The following TMCO5A variants were observed in gnomAD, a reference collection of about 807,000 sequenced individuals.
TMCO5A encodes transmembrane and coiled-coil domains 5A.
Under a neutral mutation model 42.3 loss-of-function variants are expected in TMCO5A, and 34 were observed. The ratio of observed to expected loss-of-function variants is 0.80; its 90% CI spans 0.61 to 1.07. The LOEUF (loss-of-function observed/expected upper bound fraction) is 1.07, where lower values mean the gene tolerates loss of function less well. TMCO5A is among the 50% of genes least tolerant of loss of function. The pLI is 0.00. For synonymous variants in TMCO5A, 131 were observed against 115.6 expected (o/e 1.13, Z -0.86); for missense variants, 357 against 327.9 (o/e 1.09, Z -0.69).
chr15:38,032,622 G>C, the TMCO5A span, among the ~76,000 whole-genome samples: 1 of 151,980 alleles, frequency 6.6e-6, no homozygotes, highest in African/African-American at 2.4e-5. Context: ...TCAATGCCTC[G>C]ATGTTCCCAT....
At chr15:38,019,051 T>C in the TMCO5A span, among the ~76,000 whole-genome samples, 1 of 152,258 alleles carries the variant, frequency 6.6e-6, no homozygotes, top group South Asian at 2.1e-4. Flanking sequence ...ATACCACCCA[T>C]ATATTCTGAG....
At chr15:37,942,431 T>G (rs1432463692) in intron 9 of TMCO5A, 176 bp downstream of exon 9, 1 of 570,600 alleles carries the variant, frequency 1.8e-6, no homozygotes, top group Non-Finnish European at 3.1e-6. Context: ...ACTTAAAACT[T>G]CCAGTCATTC....
chr15:38,017,726 A>C, the TMCO5A span, among the ~76,000 whole-genome samples: 1 of 152,092 alleles, frequency 6.6e-6, no homozygotes, highest in African/African-American at 2.4e-5. Context: ...AGGGCACCGC[A>C]GGCAGTCATC....
the TMCO5A span, among the ~76,000 whole-genome samples, chr15:38,012,126 A>AAAAAAAAAG: frequency 6.6e-6 from 1 of 150,386 alleles, no homozygotes; most frequent in Non-Finnish European, 1.5e-5. Context: ...TCCGTCTCAA[A>AAAAAAAAAG]AAAAAAAGAA....
the TMCO5A span, among the ~76,000 whole-genome samples, chr15:37,978,073 C>T: frequency 1.3e-5 from 2 of 152,186 alleles, no homozygotes; most frequent in African/African-American, 4.8e-5. Flanking sequence ...TTTCAGTTGC[C>T]TCTGGGAGCC....
chr15:37,937,662 C>T (rs1236167005), intron 5 of TMCO5A, among the ~76,000 whole-genome samples: 2 of 152,102 alleles, frequency 1.3e-5, no homozygotes, highest in Non-Finnish European at 2.9e-5. Flanking sequence ...AAAATGGATT[C>T]CAACAGATAC....
chr15:37,974,614 T>C, the TMCO5A span, among the ~76,000 whole-genome samples: 2 of 152,152 alleles, frequency 1.3e-5, no homozygotes, highest in Non-Finnish European at 2.9e-5. Flanking sequence ...TCTTTATTTC[T>C]GATTGTGTTT....
At chr15:37,971,786 A>G (rs1254744421), downstream of TMCO5A, among the ~76,000 whole-genome samples, 1 of 152,108 alleles carries the variant, frequency 6.6e-6, no homozygotes, top group East Asian at 1.9e-4. Context: ...ACATAACAAG[A>G]GTTACTTTTG....
chr15:37,968,703 C>A (rs902968556), downstream of TMCO5A, among the ~76,000 whole-genome samples: 1 of 151,914 alleles, frequency 6.6e-6, no homozygotes, highest in African/African-American at 2.4e-5. Flanking sequence ...CTGCCTCAGC[C>A]TCCCAAGTAG....
intron 9 of TMCO5A, chr15:37,942,527 G>C (rs532516238): frequency 3.2e-5 from 10 of 315,420 alleles, no homozygotes; most frequent in Non-Finnish European, 1.2e-5. Flanking sequence ...TTGATATTAA[G>C]AGTAAAAACA....
intron 6 of TMCO5A, among the ~76,000 whole-genome samples, chr15:37,939,235 A>G (rs1889643525): frequency 6.9e-6 from 1 of 145,694 alleles, no homozygotes; most frequent in African/African-American, 2.8e-5. Flanking sequence ...GATACATAGA[A>G]AATAGAAATA....
At chr15:38,014,364 G>T in the TMCO5A span, among the ~76,000 whole-genome samples, 1 of 151,966 alleles carries the variant, frequency 6.6e-6, no homozygotes, top group Non-Finnish European at 1.5e-5. Flanking sequence ...ACCAAGATAC[G>T]ATCGATTACA....
chr15:37,963,243 G>C (rs553061340), intron 11 of TMCO5A, among the ~76,000 whole-genome samples: 2 of 152,070 alleles, frequency 1.3e-5, no homozygotes, highest in Admixed American at 6.6e-5. Flanking sequence ...TGTTTTGACA[G>C]GTTGTGTCAT....
At chr15:38,007,988 C>T in the TMCO5A span, among the ~76,000 whole-genome samples, 1 of 147,236 alleles carries the variant, frequency 6.8e-6, no homozygotes, top group Middle Eastern at 3.6e-3. Context: ...CTCCGCCTCC[C>T]AGGTTCACGC....
At chr15:38,012,523 CGTGT>C in the TMCO5A span, among the ~76,000 whole-genome samples, 24 of 149,312 alleles carry the variant, frequency 1.6e-4, 2 homozygotes, top group East Asian at 5.9e-4. Context: ...TAGGAGTAGT[CGTGT>C]GTGTGTGTGT....
the TMCO5A span, among the ~76,000 whole-genome samples, chr15:38,000,927 A>G: frequency 2.0e-5 from 3 of 152,264 alleles, no homozygotes; most frequent in East Asian, 3.9e-4. Context: ...CATATGGCCT[A>G]TCCTTGAAAA....
downstream of TMCO5A, among the ~76,000 whole-genome samples, chr15:37,968,492 G>C (rs1420597210): frequency 3.9e-5 from 6 of 152,024 alleles, no homozygotes; most frequent in Admixed American, 3.9e-4. Context: ...GCCAGTGTTA[G>C]AGACACCATT....
chr15:38,011,948 T>C, the TMCO5A span, among the ~76,000 whole-genome samples: 4 of 151,944 alleles, frequency 2.6e-5, no homozygotes, highest in Admixed American at 6.5e-5. Context: ...CATGGTGAAA[T>C]CCCATCTCTA....
chr15:37,943,511 A>C, intron 10 of TMCO5A, 113 bp downstream of exon 10: 1 of 975,656 alleles, frequency 1.0e-6, no homozygotes, highest in African/African-American at 1.6e-5. Flanking sequence ...CGCATTTTCC[A>C]AGAACAGTAC....
Sources: allele counts gnomAD v4.1 joint callset (sites outside exome capture counted in the v4.1 genomes callset), GRCh38; gene constraint gnomAD v4.1.1; transcripts MANE v1.5; gene names NCBI Gene and HGNC (gene_info 2026-07-23, HGNC 2026-07-21).